The following NAALADL2 variants were observed in gnomAD, a reference collection of about 807,000 sequenced individuals.
The protein encoded by NAALADL2 is N-acetylated alpha-linked acidic dipeptidase like 2.
In NAALADL2, 76 loss-of-function variants were observed where a neutral mutation model predicts 87.2. The observed-to-expected ratio is 0.87, with a 90% CI of 0.72 to 1.05. The LOEUF (loss-of-function observed/expected upper bound fraction) is 1.05. NAALADL2 is among the 50% of genes least tolerant of loss of function. NAALADL2 has a pLI of 0.00. For synonymous variants in NAALADL2, 354 were observed against 331.0 expected (o/e 1.07, Z -0.75); for missense variants, 1,089 against 945.8 (o/e 1.15, Z -1.99).
chr3:175,473,620 A>G (rs1725224888), intron 9 of NAALADL2, among the ~76,000 whole-genome samples: 1 of 151,778 alleles, frequency 6.6e-6, no homozygotes. Context: ...AAAATTATAT[A>G]TTTTTAAAAC....
chr3:174,997,452 C>A (rs1328170542), intron 1 of NAALADL2, among the ~76,000 whole-genome samples: 3 of 151,922 alleles, frequency 2.0e-5, no homozygotes, highest in Non-Finnish European at 4.4e-5. Flanking sequence ...CAGGTAAAGA[C>A]TGCAAATCCT....
chr3:175,627,752 G>A (rs1727193160), intron 11 of NAALADL2, among the ~76,000 whole-genome samples: 3 of 151,634 alleles, frequency 2.0e-5, no homozygotes, highest in Admixed American at 2.0e-4. Context: ...GACATATGGA[G>A]AGTACTTATC....
At chr3:174,517,778 T>C (rs1000139353) in intron 1 of NAALADL2, among the ~76,000 whole-genome samples, 2 of 152,166 alleles carry the variant, frequency 1.3e-5, no homozygotes, top group Admixed American at 1.3e-4. Context: ...CATGTCCTTG[T>C]ACATGTTTCT....
chr3:175,482,680 A>T (rs1276639584), intron 9 of NAALADL2, among the ~76,000 whole-genome samples: 1 of 151,816 alleles, frequency 6.6e-6, no homozygotes, highest in African/African-American at 2.4e-5. Context: ...TCTCTAACCT[A>T]CTAATTTTGT....
At chr3:174,888,607 C>A (rs1730490721) in intron 1 of NAALADL2, among the ~76,000 whole-genome samples, 2 of 152,158 alleles carry the variant, frequency 1.3e-5, no homozygotes, top group Non-Finnish European at 2.9e-5. Context: ...AGCCTGGTAT[C>A]CGAGGAATCT....
At chr3:175,759,965 C>T (rs1254902079) in intron 13 of NAALADL2, among the ~76,000 whole-genome samples, 8 of 152,114 alleles carry the variant, frequency 5.3e-5, no homozygotes, top group Non-Finnish European at 1.2e-4. Flanking sequence ...GAGGATTTAT[C>T]TAGTGCTCCT....
intron 1 of NAALADL2, among the ~76,000 whole-genome samples, chr3:174,969,525 C>A (rs556940907): frequency 2.0e-5 from 3 of 152,276 alleles, no homozygotes; most frequent in East Asian, 3.9e-4. Context: ...AGGCTATGGA[C>A]AAGCCTGGGG....
chr3:175,155,877 C>T (rs1168172257), intron 2 of NAALADL2, among the ~76,000 whole-genome samples: 1 of 152,010 alleles, frequency 6.6e-6, no homozygotes, highest in Non-Finnish European at 1.5e-5. Context: ...CGGTAATGTC[C>T]ATCCAAGTTT....
chr3:175,656,673 G>C (rs1208308152), intron 11 of NAALADL2, among the ~76,000 whole-genome samples: 1 of 151,988 alleles, frequency 6.6e-6, no homozygotes, highest in East Asian at 1.9e-4. Context: ...TTTCCTCAAA[G>C]GTGTGCAGAG....
At chr3:175,713,701 G>A (rs1740846173) in intron 11 of NAALADL2, among the ~76,000 whole-genome samples, 2 of 151,740 alleles carry the variant, frequency 1.3e-5, no homozygotes, top group African/African-American at 4.8e-5. Context: ...TTTTTTGTTT[G>A]TTTGTTTTTT....
intron 2 of NAALADL2, among the ~76,000 whole-genome samples, chr3:175,203,140 C>A (rs1410529666): frequency 6.6e-6 from 1 of 152,102 alleles, no homozygotes; most frequent in African/African-American, 2.4e-5. Flanking sequence ...GAGGTCTGGT[C>A]AGGAGGCTTC....
At position 174,614,368 on chromosome 3, in the gene NAALADL2, A is replaced by C. The variant is rs370975022; in HGVS notation, c.-115+63731A>C. On this transcript the variant is annotated intron_variant, in intron 2 of 3. Transcript: ENST00000434257. ...CGAGGCTTGCAAGAACTGAAGTTCC[A>C]ACCACTGGGATGGGTGATTCCCACC... Among the ~76,000 whole-genome samples the C allele has an allele frequency of 2.6e-5, 4 of 152,196 alleles. No individual in the cohort carries two copies. In the East Asian group the frequency reaches 7.7e-4, roughly 29 times the overall value.
chr3:175,352,319 G>A (rs370558212), intron 5 of NAALADL2, among the ~76,000 whole-genome samples: 1 of 152,042 alleles, frequency 6.6e-6, no homozygotes, highest in Non-Finnish European at 1.5e-5. Context: ...GGAAGGGTGA[G>A]GCTTAAAAGC....
At chr3:174,461,589 CT>C (rs1249238912) in intron 1 of NAALADL2, among the ~76,000 whole-genome samples, 1 of 152,002 alleles carries the variant, frequency 6.6e-6, no homozygotes, top group Non-Finnish European at 1.5e-5. Context: ...CTTTTGAAAA[CT>C]TTCCTTTTGT....
chr3:175,463,011 G>T (rs115201315), intron 6 of NAALADL2, among the ~76,000 whole-genome samples: 2 of 152,066 alleles, frequency 1.3e-5, no homozygotes, highest in Non-Finnish European at 2.9e-5. Flanking sequence ...AAATAGAAAA[G>T]CATTCAATAT....
At chr3:175,391,208 C>G (rs1159715100) in intron 5 of NAALADL2, among the ~76,000 whole-genome samples, 1 of 152,196 alleles carries the variant, frequency 6.6e-6, no homozygotes, top group African/African-American at 2.4e-5. Context: ...TTTCTCTTCT[C>G]TATAACCACA....
intron 1 of NAALADL2, among the ~76,000 whole-genome samples, chr3:174,917,389 C>G (rs1734558755): frequency 6.6e-6 from 1 of 152,070 alleles, no homozygotes; most frequent in African/African-American, 2.4e-5. Context: ...TTGGTCACGA[C>G]TTTAATTGAA....
rs1365384603 is a variant in NAALADL2 at position 174,621,082 on chromosome 3, A to T, written c.-115+70445A>T. Among the ~76,000 whole-genome samples, 4 of 152,056 alleles carry T rather than the reference A, an allele frequency of 2.6e-5. No individual in the cohort carries two copies. The East Asian group carries it at 5.8e-4, about 22-fold the overall frequency. ...ATCTCAGCAGATGGGTAGACATCTCATAGAAAAATAACTGTAAATCTGAGG... is the reference window on the plus strand; with the variant it reads ...ATCTCAGCAGATGGGTAGACATCTCTTAGAAAAATAACTGTAAATCTGAGG... On this transcript the variant is annotated intron_variant, in intron 2 of 3. Coordinates refer to the NAALADL2 transcript ENST00000434257.
At chr3:175,068,220 A>G (rs1007761459) in intron 1 of NAALADL2, among the ~76,000 whole-genome samples, 19 of 152,232 alleles carry the variant, frequency 1.2e-4, no homozygotes, top group African/African-American at 4.6e-4. Flanking sequence ...ACAAACCTGC[A>G]CATGTACCCC....
Sources: allele counts gnomAD v4.1 joint callset (sites outside exome capture counted in the v4.1 genomes callset), GRCh38; gene constraint gnomAD v4.1.1; transcripts MANE v1.5; gene names NCBI Gene and HGNC (gene_info 2026-07-23, HGNC 2026-07-21).